ELAVL2: variants seen among roughly 807,000 people sequenced by gnomAD.
ELAVL2 encodes ELAV-like protein 2.
Under a neutral mutation model 34.6 loss-of-function variants are expected in ELAVL2, and 4 were observed. That is an observed-to-expected ratio of 0.12 (90% CI 0.06 to 0.26). The LOEUF (loss-of-function observed/expected upper bound fraction) is 0.26. ELAVL2 is among the 10% of genes least tolerant of loss of function. The pLI, the probability that ELAVL2 is intolerant of heterozygous loss-of-function variation, is 1.00. For missense variants in ELAVL2, 432 were observed against 442.8 expected (o/e 0.98, Z 0.22); for synonymous variants, 193 against 154.8 (o/e 1.25, Z -1.83).
intron 3 of ELAVL2, 95 bp downstream of exon 3, chr9:23,730,927 T>C (rs771226451): frequency 2.6e-4 from 311 of 1,178,820 alleles, no homozygotes; most frequent in Non-Finnish European, 3.2e-4. Context: ...ACTGTTTATA[T>C]GGGCCCAAAA....
chr9:23,825,461 C>A (rs1467998254), intron 1 of ELAVL2, among the ~76,000 whole-genome samples: 1 of 152,168 alleles, frequency 6.6e-6, no homozygotes, highest in East Asian at 1.9e-4. Context: ...TAGAGGCATG[C>A]ATCCCCAACA....
intron 1 of ELAVL2, among the ~76,000 whole-genome samples, chr9:23,804,871 T>A (rs980468453): frequency 3.9e-5 from 6 of 152,212 alleles, no homozygotes; most frequent in Non-Finnish European, 8.8e-5. Flanking sequence ...CAGTTCTGAA[T>A]GTATATGAAA....
chr9:23,810,966 G>GC (rs1232360016), intron 1 of ELAVL2, among the ~76,000 whole-genome samples: 1 of 152,112 alleles, frequency 6.6e-6, no homozygotes, highest in Non-Finnish European at 1.5e-5. Context: ...GATCCCTGCT[G>GC]CCCCATCCCA....
the ELAVL2 span, among the ~76,000 whole-genome samples, chr9:23,849,318 C>T: frequency 0.015 from 2,265 of 152,218 alleles, 58 homozygotes; most frequent in African/African-American, 0.051. Context: ...TTCCTTTCTC[C>T]AGCCTCAAAC....
intron 2 of ELAVL2, among the ~76,000 whole-genome samples, chr9:23,739,474 T>C (rs1420229954): frequency 6.6e-6 from 1 of 152,112 alleles, no homozygotes; most frequent in Non-Finnish European, 1.5e-5. Flanking sequence ...AATTAAAAGT[T>C]TGGGTATGCT....
chr9:23,801,563 T>TA (rs920187345), intron 1 of ELAVL2, among the ~76,000 whole-genome samples: 2 of 152,172 alleles, frequency 1.3e-5, no homozygotes, highest in African/African-American at 4.8e-5. Flanking sequence ...GTGTCCTAGC[T>TA]AAGGGACTTT....
chr9:23,840,859 G>A, the ELAVL2 span, among the ~76,000 whole-genome samples: 2 of 152,018 alleles, frequency 1.3e-5, no homozygotes, highest in Non-Finnish European at 2.9e-5. Context: ...ATTTCTAACT[G>A]TCCTACTTCA....
intron 1 of ELAVL2, among the ~76,000 whole-genome samples, chr9:23,778,898 T>G (rs1421115724): frequency 1.3e-5 from 2 of 152,148 alleles, no homozygotes; most frequent in African/African-American, 4.8e-5. Flanking sequence ...TACTATGGAT[T>G]TGGATTAGAA....
intron 1 of ELAVL2, among the ~76,000 whole-genome samples, chr9:23,775,151 A>C (rs1259101084): frequency 6.6e-6 from 1 of 152,212 alleles, no homozygotes; most frequent in South Asian, 2.1e-4. Flanking sequence ...AATCCAACGA[A>C]TCCTACAACT....
At chr9:23,780,109 A>G (rs1347643911) in intron 1 of ELAVL2, among the ~76,000 whole-genome samples, 1 of 150,884 alleles carries the variant, frequency 6.6e-6, no homozygotes, top group African/African-American at 2.4e-5. Flanking sequence ...AATATCATCT[A>G]TTCTACAAAA....
chr9:23,736,731 T>C (rs1023128680), intron 2 of ELAVL2, among the ~76,000 whole-genome samples: 2 of 152,160 alleles, frequency 1.3e-5, no homozygotes, highest in Admixed American at 6.5e-5. Context: ...ACTATCCTAA[T>C]AGGACAACCC....
chr9:23,819,030 G>C (rs1481502877), intron 1 of ELAVL2, among the ~76,000 whole-genome samples: 2 of 152,188 alleles, frequency 1.3e-5, no homozygotes, highest in African/African-American at 2.4e-5. Context: ...GCTTTGCTGT[G>C]TCCTTAAAGA....
chr9:23,720,171 C>T lies in ELAVL2; in HGVS notation c.333+10851G>A, dbSNP rs1312790777. ...TTAACTCCCAATCTCTATAAGACAC[C>T]CTTTCACCTTTTTTTTTTGAGACAG... is the stretch of plus-strand genomic sequence containing the variant. On this transcript the variant is annotated intron_variant, in intron 3 of 6. Coordinates refer to ENST00000397312, the MANE Select transcript of ELAVL2 (RefSeq NM_004432.5). Among the ~76,000 whole-genome samples, 9 of 147,938 alleles carry T rather than the reference C, an allele frequency of 6.1e-5. No homozygotes were observed. The East Asian group carries it at 1.3e-3, about 21-fold the overall frequency.
chr9:23,841,699 T>A, the ELAVL2 span, among the ~76,000 whole-genome samples: 1 of 152,130 alleles, frequency 6.6e-6, no homozygotes, highest in African/African-American at 2.4e-5. Flanking sequence ...TTTTTAAACT[T>A]TTTGAGAATC....
chr9:23,702,948 T>A (rs558327409), intron 4 of ELAVL2, among the ~76,000 whole-genome samples: 1 of 13,436 alleles, frequency 7.4e-5, no homozygotes, highest in African/African-American at 1.4e-4. Flanking sequence ...AGCATCAGAT[T>A]AGCAAAAAAA....
chr9:23,731,422 A>T (rs1393994170), intron 2 of ELAVL2, among the ~76,000 whole-genome samples: 1 of 152,114 alleles, frequency 6.6e-6, no homozygotes, highest in Admixed American at 6.6e-5. Context: ...AGACAAGGTC[A>T]GCTTCATAAA....
At chr9:23,703,969 A>T (rs1197309420) in intron 4 of ELAVL2, among the ~76,000 whole-genome samples, 2 of 151,810 alleles carry the variant, frequency 1.3e-5, no homozygotes, top group Admixed American at 6.6e-5. Context: ...CTTGTTGCCC[A>T]TTGCCCAGGC....
intron 2 of ELAVL2, among the ~76,000 whole-genome samples, chr9:23,746,281 T>C (rs2050459999): frequency 6.6e-6 from 1 of 152,152 alleles, no homozygotes; most frequent in South Asian, 2.1e-4. Context: ...ATAGGTCAAA[T>C]TGAGACCAAT....
intron 1 of ELAVL2, among the ~76,000 whole-genome samples, chr9:23,798,224 A>G (rs191320332): frequency 6.6e-6 from 1 of 152,346 alleles, no homozygotes; most frequent in East Asian, 1.9e-4. Flanking sequence ...ACAGTTCATA[A>G]TATTAGTGCA....
Sources: allele counts gnomAD v4.1 joint callset (sites outside exome capture counted in the v4.1 genomes callset), GRCh38; gene constraint gnomAD v4.1.1; transcripts MANE v1.5; gene names NCBI Gene and HGNC (gene_info 2026-07-23, HGNC 2026-07-21).